Variants in TENM1 observed in about 807,000 individuals in gnomAD.
The protein encoded by TENM1 is teneurin transmembrane protein 1.
Under a neutral mutation model 174.8 loss-of-function variants are expected in TENM1, and 35 were observed. That is an observed-to-expected ratio of 0.20 (90% CI 0.15 to 0.27). The LOEUF (loss-of-function observed/expected upper bound fraction) is 0.27. TENM1 is among the 10% of genes least tolerant of loss of function. The pLI, the probability that TENM1 is intolerant of heterozygous loss-of-function variation, is 1.00. For missense variants in TENM1, 1,633 were observed against 2,130.1 expected (o/e 0.77, Z 4.59); for synonymous variants, 781 against 798.7 (o/e 0.98, Z 0.37).
chrX:125,192,072 CCTTAAT>C, the TENM1 span, among the ~76,000 whole-genome samples: 1 of 111,041 alleles, frequency 9.0e-6, no homozygotes, highest in African/African-American at 3.3e-5. Context: ...AATGTCAGTG[CCTTAAT>C]CTTGGACTTC....
chrX:124,836,917 A>G (rs1462240015), intron 3 of TENM1, among the ~76,000 whole-genome samples: 1 of 111,077 alleles, frequency 9.0e-6, no homozygotes, highest in Non-Finnish European at 1.9e-5. Context: ...TTGGCTCTTT[A>G]TCTGGATTTG....
chrX:124,848,823 C>T lies in TENM1; in HGVS notation c.535+45473G>A, dbSNP rs1014571696. 2.7e-5 allele frequency among the ~76,000 whole-genome samples: 3 copies of T among 111,216 alleles called. No homozygotes were observed. In the Admixed American group the frequency reaches 2.9e-4, roughly 11 times the overall value. ...AAAGAATAAAGCAAGTTACAGAACG[C>T]ACATATAACATGATCTCATTTATGT... On this transcript the variant is annotated intron_variant, in intron 3 of 31. Coordinates refer to ENST00000422452, the Ensembl canonical transcript of TENM1.
chrX:124,924,081 C>T lies in TENM1; in HGVS notation c.218-27840G>A, dbSNP rs376423910. ...ATTACTGTGGACAGTGGATGGATAA[C>T]GGGGAAAAGTCAATTCAAAAATTAA... On this transcript the variant is annotated intron_variant, in intron 1 of 31. Transcript: ENST00000422452. Among the ~76,000 whole-genome samples the T allele has an allele frequency of 5.1e-4, 57 of 112,162 alleles. 1 individual carries two copies. The Middle Eastern group carries it at 0.028, about 55-fold the overall frequency.
chrX:124,571,869 A>G (rs2049060630), intron 11 of TENM1, among the ~76,000 whole-genome samples: 1 of 111,754 alleles, frequency 8.9e-6, no homozygotes, highest in African/African-American at 3.2e-5. Context: ...AGAGAACAGG[A>G]AAAAAGGGAA....
intron 3 of TENM1, among the ~76,000 whole-genome samples, chrX:124,872,255 A>T (rs1310093987): frequency 9.0e-6 from 1 of 111,333 alleles, no homozygotes; most frequent in Non-Finnish European, 1.9e-5. Context: ...ATTATAAAAC[A>T]TGTGGTATAA....
At chrX:124,949,506 C>A (rs2058451016) in intron 1 of TENM1, among the ~76,000 whole-genome samples, 1 of 111,710 alleles carries the variant, frequency 9.0e-6, no homozygotes, top group African/African-American at 3.3e-5. Flanking sequence ...GTAATAAGTA[C>A]AGACTGCTGT....
the TENM1 span, among the ~76,000 whole-genome samples, chrX:124,981,121 C>T: frequency 8.1e-5 from 9 of 111,447 alleles, no homozygotes; most frequent in Admixed American, 7.7e-4. Flanking sequence ...AATTTATATG[C>T]CTGATACCCC....
chrX:125,071,354 C>T, the TENM1 span, among the ~76,000 whole-genome samples: 1 of 111,652 alleles, frequency 9.0e-6, no homozygotes, highest in Non-Finnish European at 1.9e-5. Flanking sequence ...ATTCATCTCC[C>T]AAGAAGTAGT....
At chrX:124,932,849 G>T (rs994725134) in intron 1 of TENM1, among the ~76,000 whole-genome samples, 1 of 111,339 alleles carries the variant, frequency 9.0e-6, no homozygotes, top group African/African-American at 3.3e-5. Context: ...TTTACATGGG[G>T]TTTTTCTAAC....
At chrX:124,641,317 A>C (rs1786095756) in intron 11 of TENM1, among the ~76,000 whole-genome samples, 1 of 112,031 alleles carries the variant, frequency 8.9e-6, no homozygotes, top group African/African-American at 3.2e-5. Context: ...TAGAGTAGGG[A>C]ATGAAAAAAG....
At chrX:124,664,785 G>T (rs1349082426) in intron 6 of TENM1, among the ~76,000 whole-genome samples, 1 of 107,796 alleles carries the variant, frequency 9.3e-6, no homozygotes, top group Non-Finnish European at 1.9e-5. Context: ...TGAAATATAA[G>T]ATTTGCCAAG....
At chrX:124,576,691 G>C (rs1418710368) in intron 11 of TENM1, among the ~76,000 whole-genome samples, 1 of 112,010 alleles carries the variant, frequency 8.9e-6, no homozygotes, top group African/African-American at 3.2e-5. Flanking sequence ...CTATTTCTTG[G>C]TAAGTTAGAA....
At chrX:124,577,851 G>A (rs766625030) in intron 11 of TENM1, among the ~76,000 whole-genome samples, 34 of 111,415 alleles carry the variant, frequency 3.1e-4, no homozygotes, top group African/African-American at 1.0e-3. Context: ...CTAAGCCACC[G>A]GCACCTTTAA....
chrX:124,989,763 T>C, the TENM1 span, among the ~76,000 whole-genome samples: 1 of 111,166 alleles, frequency 9.0e-6, no homozygotes, highest in Non-Finnish European at 1.9e-5. Context: ...GGCTTGATGA[T>C]ATATGAGACA....
chrX:124,845,773 G>A lies in TENM1; in HGVS notation c.535+48523C>T, dbSNP rs184407215. 4.4e-3 allele frequency among the ~76,000 whole-genome samples: 484 copies of A among 110,137 alleles called. 1 individual carries two copies. The highest frequency in any genetic ancestry group is 6.4e-3 in the Non-Finnish European group (336 of 52,661). Reference sequence around the variant, plus strand: ...AGGGTGTGATGGGGCATGTACGGAAGCGGGTAGGGTAGATATCCTAGAGAA... The same window carrying A: ...AGGGTGTGATGGGGCATGTACGGAAACGGGTAGGGTAGATATCCTAGAGAA... On this transcript the variant is annotated intron_variant, in intron 3 of 31. Coordinates refer to ENST00000422452, the Ensembl canonical transcript of TENM1.
intron 6 of TENM1, among the ~76,000 whole-genome samples, chrX:124,664,532 G>GAAAAAAAAGAAAAAA (rs2051692905): frequency 3.4e-5 from 1 of 29,276 alleles, no homozygotes; most frequent in Non-Finnish European, 6.2e-5. Context: ...TAAAGCAAAA[G>GAAAAAAAAGAAAAAA]AAAAAAAAAA....
chrX:124,591,805 C>T (rs1486570745), intron 11 of TENM1, among the ~76,000 whole-genome samples: 1 of 111,960 alleles, frequency 8.9e-6, no homozygotes, highest in Non-Finnish European at 1.9e-5. Context: ...TTGAATTATT[C>T]CCTCAAATGT....
At chrX:124,507,762 T>C (rs2047484937) in intron 18 of TENM1, among the ~76,000 whole-genome samples, 1 of 111,725 alleles carries the variant, frequency 9.0e-6, no homozygotes, top group African/African-American at 3.3e-5. Flanking sequence ...AAAGGTGCCA[T>C]GCAATGAAGC....
intron 3 of TENM1, among the ~76,000 whole-genome samples, chrX:124,850,871 G>C (rs1429574205): frequency 9.0e-6 from 1 of 111,465 alleles, no homozygotes; most frequent in Non-Finnish European, 1.9e-5. Flanking sequence ...CGATTTTATA[G>C]AGTGTGATTT....
Sources: gnomAD v4.1 joint callset for allele counts (sites outside exome capture counted in the v4.1 genomes callset) on GRCh38, gnomAD v4.1.1 for gene constraint, MANE v1.5 for transcripts, NCBI Gene and HGNC (gene_info 2026-07-23, HGNC 2026-07-21) for gene names.